The following ARSJ variants were observed in gnomAD, a reference collection of about 807,000 sequenced individuals.
ARSJ encodes the protein arylsulfatase family member J.
Under a neutral mutation model 35.9 loss-of-function variants are expected in ARSJ, and 26 were observed. That is an observed-to-expected ratio of 0.72 (90% confidence interval 0.53 to 1.00). The LOEUF is 1.00. ARSJ is among the 50% of genes least tolerant of loss of function. ARSJ has a pLI of 0.00. For synonymous variants in ARSJ, 294 were observed against 267.6 expected (o/e 1.10, Z -0.96); for missense variants, 667 against 723.6 (o/e 0.92, Z 0.90).
At chr4:113,927,977 G>A (rs11727340) in intron 1 of ARSJ, among the ~76,000 whole-genome samples, 38,949 of 152,078 alleles carry the variant, frequency 0.26, 5,198 homozygotes, top group African/African-American at 0.33. Context: ...CCAATGTGTG[G>A]GTTCTGCCAG....
intron 1 of ARSJ, among the ~76,000 whole-genome samples, chr4:113,920,342 G>C (rs1299058012): frequency 6.6e-6 from 1 of 152,120 alleles, no homozygotes; most frequent in Non-Finnish European, 1.5e-5. Context: ...AACGGTAAAA[G>C]TAAAAATCAT....
intron 1 of ARSJ, among the ~76,000 whole-genome samples, chr4:113,939,546 G>C (rs1247557686): frequency 6.6e-6 from 1 of 151,978 alleles, no homozygotes; most frequent in Non-Finnish European, 1.5e-5. Context: ...AAGTGTTCCT[G>C]TTTCTCCACA....
At position 113,927,044 on chromosome 4, in the gene ARSJ, G is replaced by A. The variant is rs767541629; in HGVS notation, c.399-23369C>T. On this transcript the variant is annotated intron_variant, in intron 1 of 1. Transcript: ENST00000315366. The stretch of plus-strand genomic sequence containing the variant: ...CAGCAGCCTGGAGCTGTTGCAGAGC[G>A]TTCTTTTGTTCTGGACCCCACTCAA... 6.6e-5 allele frequency among the ~76,000 whole-genome samples: 10 copies of A among 152,124 alleles called. No individual in the cohort carries two copies. In the East Asian group the frequency reaches 1.2e-3, roughly 18 times the overall value.
In ARSJ at chr4:113,976,559, G is replaced by A. The variant is rs1727605504; in HGVS notation, c.398+1878C>T. Among the ~76,000 whole-genome samples, 6 of 152,146 alleles carry A rather than the reference G, an allele frequency of 3.9e-5. No homozygotes were observed. In the South Asian group the frequency reaches 1.2e-3, roughly 31 times the overall value. ...GGGTTAATAATGAGTCCAGAACTGGGCTTCCATAACTGCTTTATTTCTTAC... is the reference window on the plus strand; with the variant it reads ...GGGTTAATAATGAGTCCAGAACTGGACTTCCATAACTGCTTTATTTCTTAC... On this transcript the variant is annotated intron_variant, in intron 1 of 1. Coordinates refer to ENST00000315366, the MANE Select transcript of ARSJ (RefSeq NM_024590.4).
At chr4:113,927,716 T>C (rs576919117) in intron 1 of ARSJ, among the ~76,000 whole-genome samples, 13 of 152,306 alleles carry the variant, frequency 8.5e-5, no homozygotes, top group Admixed American at 8.5e-4. Flanking sequence ...TGGTTATGCT[T>C]AGGAGAATCC....
At position 113,902,831 on chromosome 4, in the gene ARSJ, G is replaced by C. The variant is rs779621049; in HGVS notation, c.1243C>G (p.Arg415Gly). ...TCAATGTTATGCAAAATATCTACTC[G>C]GGGTGAGCGAAGACCCTCACTTATG... ...ETISEGLRSP[R>G]VDILHNIDPI... is the part of the protein sequence containing the mutation. Residue 415 changes from arginine (R) to glycine (G), a missense_variant, in exon 2 of 2, where the codon CGA becomes GGA. Arg to Gly is a moderately radical substitution (Grantham distance 125, BLOSUM62 -2). Coordinates refer to ENST00000315366, the MANE Select transcript of ARSJ (RefSeq NM_024590.4). The C allele has an allele frequency of 1.2e-6, 2 of 1,614,052 alleles. No homozygotes were observed. Among genetic ancestry groups the C allele is most frequent in the East Asian group, 2.2e-5 (1 of 44,876 alleles).
intron 1 of ARSJ, among the ~76,000 whole-genome samples, chr4:113,916,026 C>G (rs1464959001): frequency 6.6e-6 from 1 of 152,198 alleles, no homozygotes; most frequent in African/African-American, 2.4e-5. Flanking sequence ...TTATTTTCTG[C>G]GAAAAGTTTG....
Position 113,902,323 on chromosome 4 carries a change from T to G in ARSJ, c.1751A>C (p.Gln584Pro). 1 of 1,613,352 alleles carries G rather than the reference T, an allele frequency of 6.2e-7. No individual in the cohort carries two copies. Among genetic ancestry groups the G allele is most frequent in the Non-Finnish European group, 8.5e-7 (1 of 1,179,998 alleles). Residue 584 changes from glutamine to proline, a missense_variant, in exon 2 of 2, where the codon CAG (glutamine) becomes CCG (proline). Coordinates refer to ENST00000315366, the MANE Select transcript of ARSJ (RefSeq NM_024590.4). The part of the protein sequence containing the change: ...KKSKKKKKKQ[Q>P]KAVSGSTCHS... ...GCAAGTTGAACCTGAGACTGCTTTCTGCTGTTTCTTCTTCTTTTTTTTGCT... is the reference window on the plus strand; with the variant it reads ...GCAAGTTGAACCTGAGACTGCTTTCGGCTGTTTCTTCTTCTTTTTTTTGCT...
chr4:113,955,932 T>G (rs1354165532), intron 1 of ARSJ, among the ~76,000 whole-genome samples: 3 of 152,122 alleles, frequency 2.0e-5, no homozygotes, highest in African/African-American at 7.2e-5. Flanking sequence ...GCTAATATTT[T>G]ATGAGGTCAT....
intron 1 of ARSJ, among the ~76,000 whole-genome samples, chr4:113,927,882 C>T (rs1724175644): frequency 6.6e-6 from 1 of 152,118 alleles, no homozygotes; most frequent in Admixed American, 6.5e-5. Context: ...ATTTTTGACT[C>T]ACTATTTTTC....
At chr4:113,971,696 C>A (rs575488590) in intron 1 of ARSJ, among the ~76,000 whole-genome samples, 133 of 152,266 alleles carry the variant, frequency 8.7e-4, no homozygotes, top group African/African-American at 2.9e-3. Flanking sequence ...TAACAGTAAA[C>A]ATGTACATTT....
At chr4:113,968,718 C>T (rs1307249029) in intron 1 of ARSJ, among the ~76,000 whole-genome samples, 2 of 152,160 alleles carry the variant, frequency 1.3e-5, no homozygotes, top group Admixed American at 6.5e-5. Context: ...TTTGAAGGCC[C>T]TTATATGGAA....
intron 1 of ARSJ, among the ~76,000 whole-genome samples, chr4:113,935,115 T>G (rs969856561): frequency 2.0e-5 from 3 of 151,910 alleles, no homozygotes; most frequent in Non-Finnish European, 4.4e-5. Flanking sequence ...CATAAAACTT[T>G]AAAATGTATT....
At chr4:113,946,910 G>A (rs1725525685) in intron 1 of ARSJ, among the ~76,000 whole-genome samples, 2 of 151,860 alleles carry the variant, frequency 1.3e-5, no homozygotes, top group Non-Finnish European at 2.9e-5. Flanking sequence ...AATGTTAAGG[G>A]TATTTTAATA....
At chr4:113,917,465 T>C (rs1049347740) in intron 1 of ARSJ, among the ~76,000 whole-genome samples, 2 of 152,204 alleles carry the variant, frequency 1.3e-5, no homozygotes, top group Admixed American at 1.3e-4. Context: ...CATGTAAAAG[T>C]GCAAGGATTA....
intron 1 of ARSJ, among the ~76,000 whole-genome samples, chr4:113,944,836 T>C (rs550871284): frequency 6.6e-6 from 1 of 152,228 alleles, no homozygotes; most frequent in African/African-American, 2.4e-5. Flanking sequence ...TGCCTATGAA[T>C]ATTAACATTT....
chr4:113,912,133 C>T (rs78052803), intron 1 of ARSJ, among the ~76,000 whole-genome samples: 2,409 of 152,172 alleles, frequency 0.016, 65 homozygotes, highest in African/African-American at 0.054. Context: ...AGGCAGTAGG[C>T]GAATTCATGG....
At chr4:113,925,145 G>C (rs1037476944) in intron 1 of ARSJ, among the ~76,000 whole-genome samples, 6 of 152,102 alleles carry the variant, frequency 3.9e-5, no homozygotes, top group Non-Finnish European at 8.8e-5. Context: ...AATCACCCCA[G>C]CCAACACTAA....
chr4:113,946,941 T>G (rs913557217), intron 1 of ARSJ, among the ~76,000 whole-genome samples: 9 of 152,076 alleles, frequency 5.9e-5, no homozygotes, highest in Non-Finnish European at 1.0e-4. Context: ...TGTATATAAT[T>G]TAGAAGTTCT....
Sources: gnomAD v4.1 joint callset for allele counts (sites outside exome capture counted in the v4.1 genomes callset) on GRCh38, gnomAD v4.1.1 for gene constraint, MANE v1.5 for transcripts, NCBI Gene and HGNC (gene_info 2026-07-23, HGNC 2026-07-21) for gene names.